GARNL3: variants seen among roughly 807,000 people sequenced by gnomAD.
GARNL3 encodes GTPase-activating Rap/Ran-GAP domain-like protein 3.
In GARNL3, 63 loss-of-function variants were observed where a neutral mutation model predicts 125.0. The ratio of observed to expected loss-of-function variants is 0.50; its 90% CI spans 0.41 to 0.62. The LOEUF (loss-of-function observed/expected upper bound fraction) is 0.62, where lower values mean the gene tolerates loss of function less well. Among genes scored for constraint, GARNL3 ranks in the 20% least tolerant of loss-of-function variants. The pLI, the probability that GARNL3 is intolerant of heterozygous loss-of-function variation, is 0.00. For missense variants in GARNL3, 994 were observed against 1,244.0 expected (o/e 0.80, Z 3.02); for synonymous variants, 439 against 457.5 (o/e 0.96, Z 0.52).
At chr9:127,247,507 A>C (rs191613552) in intron 2 of GARNL3, among the ~76,000 whole-genome samples, 126 of 152,142 alleles carry the variant, frequency 8.3e-4, no homozygotes, top group Admixed American at 2.7e-3. Flanking sequence ...CCTGTCTCCT[A>C]CTGTCCATAG....
intron 1 of GARNL3, among the ~76,000 whole-genome samples, chr9:127,271,110 C>T (rs576159029): frequency 3.3e-4 from 50 of 150,396 alleles, no homozygotes; most frequent in Non-Finnish European, 5.9e-4. Flanking sequence ...CAAAGAAGGG[C>T]ATGAGCTGAG....
chr9:127,278,319 A>G (rs1029626823), intron 1 of GARNL3, among the ~76,000 whole-genome samples: 1 of 152,234 alleles, frequency 6.6e-6, no homozygotes, highest in Non-Finnish European at 1.5e-5. Context: ...AAAACAAAGT[A>G]TAGTCTTTTT....
At chr9:127,371,741 T>C (rs966293354) in intron 22 of GARNL3, among the ~76,000 whole-genome samples, 3 of 152,268 alleles carry the variant, frequency 2.0e-5, no homozygotes, top group Non-Finnish European at 4.4e-5. Flanking sequence ...TAACATATCA[T>C]TAATGTGTTA....
intron 7 of GARNL3, among the ~76,000 whole-genome samples, chr9:127,331,138 A>G (rs149512759): frequency 7.2e-4 from 110 of 152,184 alleles, no homozygotes; most frequent in Non-Finnish European, 1.4e-3. Flanking sequence ...TGTGTTTATT[A>G]TGAAATACTT....
upstream of GARNL3, among the ~76,000 whole-genome samples, chr9:127,259,371 T>C (rs930341471): frequency 1.3e-5 from 2 of 151,938 alleles, no homozygotes; most frequent in Non-Finnish European, 2.9e-5. Flanking sequence ...AGCAGAAGGG[T>C]TTATATTTAG....
At chr9:127,283,957 C>A (rs184976685) in intron 1 of GARNL3, among the ~76,000 whole-genome samples, 1 of 152,194 alleles carries the variant, frequency 6.6e-6, no homozygotes, top group Admixed American at 6.5e-5. Flanking sequence ...AGTGATGTTA[C>A]ACATACATGT....
intron 2 of GARNL3, among the ~76,000 whole-genome samples, chr9:127,256,600 C>T (rs2063499223): frequency 2.6e-5 from 4 of 152,290 alleles, no homozygotes; most frequent in East Asian, 3.9e-4. Flanking sequence ...TGCCTGGTAC[C>T]TTGTAGGTAC....
chr9:127,324,571 A>C (rs955381446), intron 6 of GARNL3, among the ~76,000 whole-genome samples: 1 of 152,192 alleles, frequency 6.6e-6, no homozygotes, highest in Non-Finnish European at 1.5e-5. Context: ...TATCAACCAG[A>C]ATCTACTTTT....
intron 2 of GARNL3, among the ~76,000 whole-genome samples, chr9:127,245,837 G>C (rs1190867055): frequency 6.6e-6 from 1 of 152,204 alleles, no homozygotes; most frequent in Non-Finnish European, 1.5e-5. Flanking sequence ...GGAAGTGACA[G>C]AACAGGGATT....
rs191596839 is a variant in GARNL3, at chr9:127,342,405, C to T, written c.1251+71C>T. The stretch of plus-strand genomic sequence containing the variant: ...TTGAGAACACAAGTCCTCAACTCAG[C>T]GATGAGGCCCTGGTGAGAAAAGCGT... On this transcript the variant is annotated intron_variant, in intron 14 of 27. Coordinates refer to ENST00000373387, the MANE Select transcript of GARNL3 (RefSeq NM_032293.5). The T allele has an allele frequency of 1.4e-4, 141 of 989,632 alleles. 1 individual carries two copies. The African/African-American group carries it at 1.8e-3, about 13-fold the overall frequency. The allele number at this position is 989,632 out of a possible 1,614,324, so 61.3% of individuals were successfully genotyped here. A position where few individuals can be genotyped will look rare whatever the true frequency, so the allele number is the denominator to read the frequency against.
In GARNL3 at chr9:127,393,228, G is replaced by A. The variant is rs199603619; in HGVS notation, c.3016G>A (p.Asp1006Asn). Residue 1006 changes from aspartate (D) to asparagine (N), a missense_variant, in exon 28 of 28, where the codon GAT becomes AAT. Physicochemically the swap from Asp to Asn is conservative, Grantham distance 23. Around this residue, in one of 5 missense-constraint regions of GARNL3, gnomAD observed 728 missense variants for 865.7 expected, o/e 0.84. Coordinates refer to ENST00000373387, the MANE Select transcript of GARNL3 (RefSeq NM_032293.5). ...CCCCTTCCAGCTCACGGCTTTCTCC[G>A]ATGAAGACATTATAGACTTGAAGTA... ...SSPFQLTAFS[D>N]EDIIDLK is the part of the protein sequence containing the mutation. 8.1e-6 allele frequency: 13 copies of A among 1,612,960 alleles called. No individual in the cohort carries two copies. Among genetic ancestry groups the A allele is most frequent in the African/African-American group, 2.7e-5 (2 of 74,896 alleles).
At chr9:127,347,961 G>A (rs140315636) in intron 16 of GARNL3, among the ~76,000 whole-genome samples, 445 of 152,282 alleles carry the variant, frequency 2.9e-3, no homozygotes, top group Non-Finnish European at 4.7e-3. Context: ...CCCTAATGCC[G>A]TTTTCAAAGG....
chr9:127,351,475 TA>T (rs145020779), intron 17 of GARNL3, among the ~76,000 whole-genome samples: 42 of 149,320 alleles, frequency 2.8e-4, no homozygotes, highest in Middle Eastern at 3.5e-3. Flanking sequence ...TGTTTTTGCT[TA>T]AAAAAAAAAG....
intron 1 of GARNL3, among the ~76,000 whole-genome samples, chr9:127,272,325 A>T (rs2063842249): frequency 6.7e-6 from 1 of 149,830 alleles, no homozygotes; most frequent in Non-Finnish European, 1.5e-5. Context: ...ATTATATTCT[A>T]TCTAGTATTA....
intron 2 of GARNL3, among the ~76,000 whole-genome samples, chr9:127,307,432 T>C (rs1444116290): frequency 6.6e-6 from 1 of 152,254 alleles, no homozygotes; most frequent in Non-Finnish European, 1.5e-5. Context: ...CCCAGAAGTT[T>C]AAACGTCCTG....
At chr9:127,288,540 G>A (rs2131361122) in intron 1 of GARNL3, among the ~76,000 whole-genome samples, 1 of 152,338 alleles carries the variant, frequency 6.6e-6, no homozygotes, top group South Asian at 2.1e-4. Context: ...TGACTTGAAT[G>A]AAGATGGGGA....
chr9:127,339,903 C>G (rs1436934779), intron 13 of GARNL3, 152 bp downstream of exon 13: 2 of 652,126 alleles, frequency 3.1e-6, no homozygotes, highest in East Asian at 5.4e-5. Flanking sequence ...GTATTCTGGT[C>G]ATGTTGTGCA....
In GARNL3 at chr9:127,339,670, G is replaced by A. The variant is rs141917031; in HGVS notation, c.1054G>A (p.Val352Ile). 127 of 1,612,812 alleles carry A rather than the reference G, an allele frequency of 7.9e-5. No homozygotes were observed. Among genetic ancestry groups the A allele is most frequent in the Non-Finnish European group, 1.0e-4 (118 of 1,178,806 alleles). The part of the protein sequence containing the change: ...YRLKIFSEES[V>I]PLFGPPLPTP... ...GCTGAAAATATTTTCAGAAGAGAGC[G>A]TACCACTCTTTGGCCCTCCCTTGCC... The change falls in exon 13 of 28, where the codon GTA becomes ATA. Residue 352 changes from valine to isoleucine, a missense_variant. Val to Ile is a conservative substitution (Grantham distance 29, BLOSUM62 3). Transcript: ENST00000373387.
At position 127,385,166 on chromosome 9, in the gene GARNL3, A is replaced by G. The variant is rs1446621804; in HGVS notation, c.2388+21A>G. 2 of 1,502,578 alleles carry G rather than the reference A, an allele frequency of 1.3e-6. No individual in the cohort carries two copies. The highest frequency in any genetic ancestry group is 1.8e-5 in the Admixed American group (1 of 54,184). 93.1% of individuals were successfully genotyped at this position (1,502,578 alleles called of 1,614,324 possible). A position where few individuals can be genotyped will look rare whatever the true frequency, so the allele number is the denominator to read the frequency against. On this transcript the variant is annotated intron_variant, in intron 24 of 27. Transcript: ENST00000373387. The surrounding 1 kb of genome is among the most constrained non-coding windows in gnomAD (Gnocchi z 4.1). ...CCAGGGTGAGTAGGACTGGGATTTT[A>G]TCTCTGAGTGGTTTGGGGGACCCCG... is the stretch of plus-strand genomic sequence containing the variant.
Sources: allele counts gnomAD v4.1 joint callset (sites outside exome capture counted in the v4.1 genomes callset), GRCh38; gene constraint gnomAD v4.1.1; regional missense constraint gnomAD v4.1.1; non-coding constraint Gnocchi (gnomAD v3.1); transcripts MANE v1.5; gene names NCBI Gene and HGNC (gene_info 2026-07-23, HGNC 2026-07-21).